The following RELCH variants were observed in gnomAD, a reference collection of about 807,000 sequenced individuals.
RELCH encodes the protein RAB11 binding and LisH domain, coiled-coil and HEAT repeat containing.
A neutral mutation model predicts 150.3 loss-of-function variants in RELCH; 41 were observed. The ratio of observed to expected loss-of-function variants is 0.27; its 90% confidence interval spans 0.21 to 0.35. The LOEUF is 0.35. Ranked by LOEUF, RELCH falls within the 10% of genes least tolerant of loss-of-function variation. RELCH has a pLI of 1.00. For synonymous variants in RELCH, 478 were observed against 531.8 expected (o/e 0.90, Z 1.39); for missense variants, 1,092 against 1,467.8 (o/e 0.74, Z 4.18).
At position 62,229,485 on chromosome 18, in the gene RELCH, GGTGTGT is replaced by G. The variant is rs58842870; in HGVS notation, c.1448+918_1448+923del. ...CACAGCTTCTTCTGTGTATAGTAGG[GGTGTGT>G]GTGTGTGTGTGTGTGTGTGTGTGTG... On this transcript the variant is annotated intron_variant, in intron 8 of 28. Transcript: ENST00000644646. Among the ~76,000 whole-genome samples the G allele has an allele frequency of 9.3e-3, 1,337 of 143,418 alleles. 21 individuals carry two copies. Among genetic ancestry groups the G allele is most frequent in the East Asian group, 0.032 (156 of 4,846 alleles). 94.1% of individuals were successfully genotyped at this position (143,418 alleles called of 152,430 possible).
At chr18:62,292,577 C>T (rs1173560215) in intron 27 of RELCH, among the ~76,000 whole-genome samples, 3 of 152,152 alleles carry the variant, frequency 2.0e-5, no homozygotes, top group Non-Finnish European at 4.4e-5. Context: ...CTTCATGGCT[C>T]ACTGCCATCT....
rs2044564505 is a variant in RELCH at position 62,282,421 on chromosome 18, C to T, written c.3230C>T (p.Ala1077Val). The T allele has an allele frequency of 1.2e-6, 2 of 1,612,632 alleles. No individual in the cohort carries two copies. The highest frequency in any genetic ancestry group is 1.3e-5 in the African/African-American group (1 of 74,726). The change falls in exon 25 of 29, where the codon GCA becomes GTA. Residue 1077 changes from alanine (A) to valine (V), a missense_variant. By Grantham distance (64) the Ala-to-Val change is moderately conservative. Coordinates refer to ENST00000644646, the MANE Select transcript of RELCH (RefSeq NM_001346231.2). ...IKTFGRVGPNAEPRFRDEFVI... is the reference protein window; with the variant it reads ...IKTFGRVGPNVEPRFRDEFVI... ...ACATTTGGTAGAGTTGGCCCTAACG[C>T]AGAACCCAGGTTCCGAGATGAGTGT...
chr18:62,246,955 G>A (rs1323929355), intron 11 of RELCH: 2 of 152,178 alleles, frequency 1.3e-5, no homozygotes, highest in Non-Finnish European at 2.9e-5. Context: ...ATATTTGTCT[G>A]AATTAAACTC....
At chr18:62,304,399 G>A (rs952599291) in intron 28 of RELCH, among the ~76,000 whole-genome samples, 2 of 152,146 alleles carry the variant, frequency 1.3e-5, no homozygotes, top group Non-Finnish European at 2.9e-5. Context: ...AATTCACAGT[G>A]CACACCCTTA....
intron 2 of RELCH, 196 bp from the exon 3 acceptor site, chr18:62,220,841 T>C (rs772966331): frequency 1.7e-5 from 10 of 599,532 alleles, no homozygotes; most frequent in Non-Finnish European, 2.7e-5. Flanking sequence ...ACTAAAACTA[T>C]GGAAAACATT....
intron 23 of RELCH, among the ~76,000 whole-genome samples, chr18:62,280,066 C>T (rs10503067): frequency 0.19 from 28,799 of 152,008 alleles, 3,299 homozygotes; most frequent in Middle Eastern, 0.3. Context: ...TTGGAGGCCA[C>T]GTATTGAAAA....
chr18:62,193,744 G>T (rs552441270), intron 1 of RELCH, among the ~76,000 whole-genome samples: 5 of 152,138 alleles, frequency 3.3e-5, no homozygotes, highest in Non-Finnish European at 7.3e-5. Flanking sequence ...ACTTTTTGAC[G>T]TGCTGCTGGC....
At position 62,187,738 on chromosome 18, in the gene RELCH, C is replaced by G. The variant is rs759084019; in HGVS notation, c.233C>G (p.Ala78Gly). The G allele has an allele frequency of 6.2e-7, 1 of 1,609,794 alleles. No individual in the cohort carries two copies. Residue 78 changes from alanine to glycine, a missense_variant, in exon 1 of 29, where the codon GCT becomes GGT. Ala to Gly is a moderately conservative substitution (Grantham distance 60). Transcript: ENST00000644646. The stretch of plus-strand genomic sequence containing the variant: ...GGGCTCCCTGGGGAGGCGTCGGCGG[C>G]TGCAGTGGCCCTGGGGGGCACCGGG... Reference protein sequence around the residue: ...RPGLPGEASAAAVALGGTGET... With the variant: ...RPGLPGEASAGAVALGGTGET...
intron 8 of RELCH, among the ~76,000 whole-genome samples, 200 bp from the exon 9 acceptor site, chr18:62,230,994 T>C (rs893323228): frequency 8.5e-5 from 13 of 152,086 alleles, no homozygotes; most frequent in Non-Finnish European, 1.6e-4. Flanking sequence ...CCAGTTACTG[T>C]TGATTTTTTT....
At position 62,221,025 on chromosome 18, in the gene RELCH, A is replaced by C; in HGVS notation, c.617-12A>C. 6.2e-7 allele frequency: 1 copy of C among 1,608,350 alleles called. No homozygotes were observed. Among genetic ancestry groups the C allele is most frequent in the South Asian group, 1.1e-5 (1 of 89,988 alleles). The stretch of plus-strand genomic sequence containing the variant: ...GGATGCCTGTGTGTGTTTATTCCAA[A>C]TCCCTGTCCAGTCCTGGAGTTTGAA... On this transcript the variant is annotated splice_polypyrimidine_tract_variant and intron_variant, in intron 2 of 28. Transcript: ENST00000644646.
chr18:62,221,328 A>G, intron 4 of RELCH, 54 bp downstream of exon 4: 1 of 1,548,636 alleles, frequency 6.5e-7, no homozygotes, highest in Non-Finnish European at 8.9e-7. Context: ...ATGGTAACAT[A>G]AATATTGAAG....
chr18:62,278,693 T>C (rs2044345228), intron 22 of RELCH, among the ~76,000 whole-genome samples: 3 of 152,092 alleles, frequency 2.0e-5, no homozygotes, highest in Admixed American at 1.3e-4. Context: ...GAGAAGGGGA[T>C]TGCCCTTCTC....
intron 10 of RELCH, among the ~76,000 whole-genome samples, chr18:62,241,995 T>C (rs761383531): frequency 2.0e-5 from 3 of 152,196 alleles, no homozygotes; most frequent in Non-Finnish European, 4.4e-5. Context: ...GCAATTATCC[T>C]AATCGTGTTC....
chr18:62,200,424 T>C (rs1317267239), intron 1 of RELCH, among the ~76,000 whole-genome samples: 2 of 152,184 alleles, frequency 1.3e-5, no homozygotes, highest in African/African-American at 4.8e-5. Context: ...GATTGTACTG[T>C]CTTAATTCCT....
At chr18:62,200,213 G>A (rs1377551237) in intron 1 of RELCH, among the ~76,000 whole-genome samples, 1 of 152,150 alleles carries the variant, frequency 6.6e-6, no homozygotes, top group Non-Finnish European at 1.5e-5. Flanking sequence ...CTTGCTCACA[G>A]ATTAATTTTT....
chr18:62,286,234 A>G lies in RELCH; in HGVS notation c.3254-1117A>G, dbSNP rs567006548. 2.6e-5 allele frequency among the ~76,000 whole-genome samples: 4 copies of G among 152,316 alleles called. No homozygotes were observed. In the South Asian group the frequency reaches 8.3e-4, roughly 32 times the overall value. On this transcript the variant is annotated intron_variant, in intron 25 of 28. Transcript: ENST00000644646. Reference sequence around the variant, plus strand: ...TAGTGAGTCTTTGAGAGAGACTTAGAGTCACTATTTTGTTGAGGCCTCAGC... The same window carrying G: ...TAGTGAGTCTTTGAGAGAGACTTAGGGTCACTATTTTGTTGAGGCCTCAGC...
chr18:62,241,442 A>C (rs756672493), intron 10 of RELCH, among the ~76,000 whole-genome samples: 1 of 152,108 alleles, frequency 6.6e-6, no homozygotes, highest in African/African-American at 2.4e-5. Context: ...ATGCAAACAC[A>C]TAAGTTTTAT....
In RELCH at chr18:62,258,102, A is replaced by C. The variant is rs753097509; in HGVS notation, c.2037+14A>C. On this transcript the variant is annotated intron_variant, in intron 14 of 28. Coordinates refer to ENST00000644646, the MANE Select transcript of RELCH (RefSeq NM_001346231.2). ...AAATATCATCAGGTATGTTTTTCAGAATGAACTGATTTTACTCCATTATAA... is the reference window on the plus strand; with the variant it reads ...AAATATCATCAGGTATGTTTTTCAGCATGAACTGATTTTACTCCATTATAA... The C allele has an allele frequency of 1.9e-6, 3 of 1,582,810 alleles. No individual in the cohort carries two copies. Among genetic ancestry groups the C allele is most frequent in the Non-Finnish European group, 2.6e-6 (3 of 1,162,300 alleles).
chr18:62,264,617 T>A lies in RELCH; in HGVS notation c.2508-112T>A. ...AGAGGGTCCCAGACAATGCCTTTCC[T>A]TTCAAAGAACGAAATAGAACAGGTT... On this transcript the variant is annotated intron_variant, in intron 17 of 28. Coordinates refer to ENST00000644646, the MANE Select transcript of RELCH (RefSeq NM_001346231.2). 3 of 804,224 alleles carry A rather than the reference T, an allele frequency of 3.7e-6. No individual in the cohort carries two copies. The Admixed American group carries it at 7.8e-5, about 21-fold the overall frequency. 49.8% of individuals were successfully genotyped at this position (804,224 alleles called of 1,614,324 possible). A position where few individuals can be genotyped will look rare whatever the true frequency, so the allele number is the denominator to read the frequency against.
Sources: allele counts gnomAD v4.1 joint callset (sites outside exome capture counted in the v4.1 genomes callset), GRCh38; gene constraint gnomAD v4.1.1; transcripts MANE v1.5; gene names NCBI Gene and HGNC (gene_info 2026-07-23, HGNC 2026-07-21).